XPO5: variants seen among roughly 807,000 people sequenced by gnomAD.
XPO5 encodes exportin 5, also known as exportin-5.
In XPO5, 46 loss-of-function variants were observed where a neutral mutation model predicts 160.6. The ratio of observed to expected loss-of-function variants is 0.29; its 90% confidence interval spans 0.23 to 0.37. XPO5 has a LOEUF of 0.37. XPO5 is among the 10% of genes least tolerant of loss of function. XPO5 has a pLI of 1.00. For synonymous variants in XPO5, 537 were observed against 519.3 expected (o/e 1.03, Z -0.46); for missense variants, 1,090 against 1,463.9 (o/e 0.74, Z 4.17).
chr6:43,550,668 AAT>A (rs1795184776), intron 15 of XPO5, among the ~76,000 whole-genome samples: 1 of 152,186 alleles, frequency 6.6e-6, no homozygotes, highest in Non-Finnish European at 1.5e-5. Flanking sequence ...TTCAACCTCA[AAT>A]AGCCAATTTA....
chr6:43,561,043 C>T (rs773898215), intron 9 of XPO5, 36 bp from the exon 10 acceptor site: 22 of 1,526,410 alleles, frequency 1.4e-5, no homozygotes, highest in Admixed American at 6.8e-5. Context: ...CGGTGTTGAT[C>T]GAGAAAAGCA....
In XPO5 at chr6:43,522,759, C is replaced by T. The variant is rs767419476; in HGVS notation, c.*1109G>A. 4.2e-6 allele frequency: 2 copies of T among 479,152 alleles called. No homozygotes were observed. The highest frequency in any genetic ancestry group is 1.5e-5 in the South Asian group (1 of 65,322). The allele number at this position is 479,152 out of a possible 1,614,324, so 29.7% of individuals were successfully genotyped here. A position where few individuals can be genotyped will look rare whatever the true frequency, so the allele number is the denominator to read the frequency against. ...ACAACAGGTCTGTTTTTGTGCAGAG[C>T]ACATGGACACACTGGTTTCTGTATG... On this transcript the variant is annotated 3_prime_UTR_variant, in exon 32 of 32. Coordinates refer to ENST00000265351, the MANE Select transcript of XPO5 (RefSeq NM_020750.3).
chr6:43,539,197 G>C, intron 20 of XPO5: 2 of 1,139,464 alleles, frequency 1.8e-6, no homozygotes, highest in Non-Finnish European at 2.6e-6. Context: ...TGTTCCCCTA[G>C]TAGCCTCTGT....
intron 14 of XPO5, 125 bp from the exon 15 acceptor site, chr6:43,551,578 A>G (rs2127733209): frequency 8.7e-7 from 1 of 1,149,138 alleles, no homozygotes; most frequent in South Asian, 1.5e-5. Flanking sequence ...GCTGGAGTGC[A>G]CAGTGGCACA....
At chr6:43,532,043 T>C (rs972157199) in intron 21 of XPO5, among the ~76,000 whole-genome samples, 4 of 152,250 alleles carry the variant, frequency 2.6e-5, no homozygotes, top group African/African-American at 9.6e-5. Flanking sequence ...AGTCCTATAG[T>C]CAGAAGCTAT....
Position 43,565,738 on chromosome 6 carries a change from T to C in XPO5, c.835-2A>G. On this transcript the variant is annotated splice_acceptor_variant, in intron 7 of 31. Transcript: ENST00000265351. LOFTEE classifies it high-confidence loss of function. ...GGGCTTCCGGTCTTCCAACTTGCCCTAGACCCAATTTTAGGGAAACATAGT... is the reference window on the plus strand; with the variant it reads ...GGGCTTCCGGTCTTCCAACTTGCCCCAGACCCAATTTTAGGGAAACATAGT... 6.2e-7 allele frequency: 1 copy of C among 1,600,582 alleles called. No individual in the cohort carries two copies. The highest frequency in any genetic ancestry group is 8.5e-7 in the Non-Finnish European group (1 of 1,174,514).
chr6:43,553,560 T>C (rs969220348), intron 13 of XPO5, 57 bp from the exon 14 acceptor site: 350 of 1,514,518 alleles, frequency 2.3e-4, no homozygotes, highest in Non-Finnish European at 2.7e-4. Flanking sequence ...ATTATCAGCA[T>C]TGAAAGATCG....
intron 26 of XPO5, 104 bp downstream of exon 26, chr6:43,527,530 A>C (rs1793676563): frequency 8.4e-7 from 1 of 1,191,240 alleles, no homozygotes; most frequent in East Asian, 2.4e-5. Context: ...GCCCGCCGCA[A>C]ACATGAATCC....
chr6:43,553,547 AC>A (rs1224230788), intron 13 of XPO5, 44 bp from the exon 14 acceptor site: 2 of 1,530,298 alleles, frequency 1.3e-6, no homozygotes, highest in African/African-American at 1.4e-5. Context: ...ACACACACAC[AC>A]AATTATCAGC....
intron 11 of XPO5, 137 bp from the exon 12 acceptor site, chr6:43,558,728 C>T (rs1762247344): frequency 3.2e-6 from 2 of 622,298 alleles, no homozygotes; most frequent in East Asian, 6.0e-5. Flanking sequence ...TAAATATCCA[C>T]TTCAGTTCTA....
At chr6:43,570,745 A>T in intron 4 of XPO5, 61 bp from the exon 5 acceptor site, 1 of 1,536,786 alleles carries the variant, frequency 6.5e-7, no homozygotes, top group Admixed American at 2.2e-5. Context: ...ATGTATATCC[A>T]AAGGCTATTT....
intron 5 of XPO5, among the ~76,000 whole-genome samples, chr6:43,569,157 T>C (rs1011544807): frequency 1.3e-5 from 2 of 151,946 alleles, no homozygotes; most frequent in Admixed American, 6.6e-5. Flanking sequence ...GCCGGTGTGC[T>C]GGCGCATGCC....
chr6:43,544,669 TAATGCTA>T (rs1011339956), intron 20 of XPO5, among the ~76,000 whole-genome samples: 2 of 152,132 alleles, frequency 1.3e-5, no homozygotes, highest in African/African-American at 4.8e-5. Flanking sequence ...TTCACACTTG[TAATGCTA>T]GCACTTTGGG....
At position 43,573,564 on chromosome 6, in the gene XPO5, A is replaced by G. The variant is rs1244668926; in HGVS notation, c.143T>C (p.Val48Ala). The G allele has an allele frequency of 6.2e-7, 1 of 1,613,756 alleles. No homozygotes were observed. Among genetic ancestry groups the G allele is most frequent in the Non-Finnish European group, 8.5e-7 (1 of 1,179,740 alleles). Residue 48 changes from valine (V) to alanine (A), a missense_variant, in exon 2 of 32, where the codon GTC (valine) becomes GCC (alanine). Val to Ala is a moderately conservative substitution (Grantham distance 64). Transcript: ENST00000265351. ...CTCAGCCAACCTCAAGCCACAGGGGACACAGATAGGACACTTTTCTTTAAA... is the reference window on the plus strand; with the variant it reads ...CTCAGCCAACCTCAAGCCACAGGGGGCACAGATAGGACACTTTTCTTTAAA... ...EEFKEKCPIC[V>A]PCGLRLAEKT...
At chr6:43,565,619 C>T in intron 8 of XPO5, 41 bp downstream of exon 8, 1 of 1,444,676 alleles carries the variant, frequency 6.9e-7, no homozygotes. Flanking sequence ...AGAAAAATGA[C>T]AAAGAAATTA....
intron 5 of XPO5, among the ~76,000 whole-genome samples, chr6:43,569,505 A>C (rs1762880075): frequency 6.6e-6 from 1 of 151,752 alleles, no homozygotes; most frequent in African/African-American, 2.4e-5. Flanking sequence ...AGACCAAGGC[A>C]GGCGGATTAT....
At chr6:43,549,368 A>G in intron 17 of XPO5, 121 bp downstream of exon 17, 1 of 974,524 alleles carries the variant, frequency 1.0e-6, no homozygotes, top group South Asian at 1.8e-5. Context: ...CCGGCCAAGG[A>G]TGCTTATATG....
At chr6:43,557,515 C>A (rs1252649434) in intron 12 of XPO5, among the ~76,000 whole-genome samples, 2 of 151,858 alleles carry the variant, frequency 1.3e-5, no homozygotes, top group Non-Finnish European at 2.9e-5. Flanking sequence ...TCACAATAGA[C>A]CATGTATGAT....
chr6:43,528,986 T>C, intron 23 of XPO5, 61 bp from the exon 24 acceptor site: 1 of 1,481,860 alleles, frequency 6.7e-7, no homozygotes, highest in Non-Finnish European at 9.2e-7. Context: ...TGCCAGGTGG[T>C]GGGTTGCACC....
Sources: allele counts gnomAD v4.1 joint callset (sites outside exome capture counted in the v4.1 genomes callset), GRCh38; gene constraint gnomAD v4.1.1; transcripts MANE v1.5; gene names NCBI Gene and HGNC (gene_info 2026-07-23, HGNC 2026-07-21).